Variants in SAMMSON observed in about 807,000 individuals in gnomAD.
The protein encoded by SAMMSON is long intergenic non-protein coding RNA 1212.
chr3:70,137,278 A>G (rs1373782048), intron 4 of SAMMSON, among the ~76,000 whole-genome samples: 1 of 152,228 alleles, frequency 6.6e-6, no homozygotes, highest in Non-Finnish European at 1.5e-5. Flanking sequence ...GGTCTAATTT[A>G]TTTTAAAAAA....
At chr3:70,247,252 T>A (rs1483149178) in intron 4 of SAMMSON, among the ~76,000 whole-genome samples, 2 of 152,020 alleles carry the variant, frequency 1.3e-5, no homozygotes. Flanking sequence ...TGAGATATTC[T>A]TCAGCAGATG....
chr3:70,302,492 T>TAC (rs1157174912), intron 7 of SAMMSON: 1 of 152,192 alleles, frequency 6.6e-6, no homozygotes, highest in African/African-American at 2.4e-5. Context: ...CTAATGTTGA[T>TAC]TAAGTGTATC....
In SAMMSON at chr3:70,108,156, T is replaced by C. The variant is rs185818727; in HGVS notation, n.507+36591T>C. The stretch of plus-strand genomic sequence containing the variant: ...GTGTTAGACTGGTTTCTTGAAAAGC[T>C]CTTTCTCATTTTTTTTAAGAGCTGT... On this transcript the variant is annotated intron_variant and non_coding_transcript_variant, in intron 4 of 9. Coordinates refer to ENST00000642114, the Ensembl canonical transcript of SAMMSON. Among the ~76,000 whole-genome samples, 996 of 152,242 alleles carry C rather than the reference T, an allele frequency of 6.5e-3. 6 individuals are homozygous for C. The highest frequency in any genetic ancestry group is 0.021 in the African/African-American group (868 of 41,558).
chr3:70,139,763 TC>T (rs2067520097), intron 4 of SAMMSON, among the ~76,000 whole-genome samples: 1 of 152,170 alleles, frequency 6.6e-6, no homozygotes, highest in Non-Finnish European at 1.5e-5. Context: ...CTTGATGTTC[TC>T]CAAAATGTCT....
intron 4 of SAMMSON, among the ~76,000 whole-genome samples, chr3:70,207,328 G>T (rs1012184515): frequency 1.3e-5 from 2 of 151,996 alleles, no homozygotes; most frequent in Non-Finnish European, 2.9e-5. Flanking sequence ...CCTCACAGTG[G>T]CTTTCTCTGC....
chr3:70,023,400 G>T (rs528536447), intron 3 of SAMMSON, among the ~76,000 whole-genome samples: 1 of 151,972 alleles, frequency 6.6e-6, no homozygotes, highest in South Asian at 2.1e-4. Context: ...GGTGGAGCTT[G>T]CAGTGAGCTG....
intron 3 of SAMMSON, among the ~76,000 whole-genome samples, chr3:70,056,422 T>C (rs2067167829): frequency 6.6e-6 from 1 of 152,064 alleles, no homozygotes; most frequent in South Asian, 2.1e-4. Flanking sequence ...AAGAACTGTA[T>C]CTGTTCATCA....
chr3:70,181,303 C>A (rs1217431774), intron 4 of SAMMSON, among the ~76,000 whole-genome samples: 3 of 152,176 alleles, frequency 2.0e-5, no homozygotes, highest in African/African-American at 7.2e-5. Context: ...TATATTTTAA[C>A]AGAGGTTCAA....
At chr3:70,143,901 G>A (rs2067537907) in intron 4 of SAMMSON, among the ~76,000 whole-genome samples, 1 of 152,014 alleles carries the variant, frequency 6.6e-6, no homozygotes, top group African/African-American at 2.4e-5. Context: ...TTCTTATTTT[G>A]TGAGAAGTTA....
chr3:70,321,869 C>G (rs867197007), intron 7 of SAMMSON, among the ~76,000 whole-genome samples: 23 of 151,984 alleles, frequency 1.5e-4, no homozygotes, highest in Admixed American at 5.9e-4. Flanking sequence ...CTTACCCTCC[C>G]AAAATTGTAG....
rs1417919720 is a variant in SAMMSON at position 70,337,111 on chromosome 3, ATTC to A, written n.740-17061_740-17059del. On this transcript the variant is annotated intron_variant and non_coding_transcript_variant, in intron 7 of 9. Transcript: ENST00000642114. ...TATTAATAATAATATCTAACTTAAT[ATTC>A]TTATTAATAATAATATCTAACTTAA... Among the ~76,000 whole-genome samples, 72 of 37,480 alleles carry A rather than the reference ATTC, an allele frequency of 1.9e-3. 1 individual carries two copies. Among genetic ancestry groups the A allele is most frequent in the South Asian group, 5.3e-3 (10 of 1,900 alleles). The allele number at this position is 37,480 out of a possible 152,430, so 24.6% of individuals were successfully genotyped here.
intron 6 of SAMMSON, among the ~76,000 whole-genome samples, chr3:70,274,076 T>TGC (rs1559551061): frequency 6.7e-6 from 1 of 149,018 alleles, no homozygotes; most frequent in Non-Finnish European, 1.5e-5. Flanking sequence ...TGTGTGTGTG[T>TGC]GTGTGTGTGT....
chr3:70,059,622 G>A (rs1486401758), intron 3 of SAMMSON, among the ~76,000 whole-genome samples: 1 of 152,104 alleles, frequency 6.6e-6, no homozygotes, highest in Non-Finnish European at 1.5e-5. Context: ...CAGGCCCTCA[G>A]TGGATTGGAT....
chr3:70,069,626 T>C (rs1455958217), intron 3 of SAMMSON: 2 of 152,100 alleles, frequency 1.3e-5, no homozygotes, highest in African/African-American at 2.4e-5. Flanking sequence ...GATACTCACA[T>C]AGTGCTTGCC....
intron 2 of SAMMSON, among the ~76,000 whole-genome samples, chr3:70,432,217 G>A (rs1701419692): frequency 6.6e-6 from 1 of 151,510 alleles, no homozygotes; most frequent in Non-Finnish European, 1.5e-5. Context: ...TTTAATATTA[G>A]CCTTTCTTAT....
At chr3:70,369,641 T>C (rs1432124752) in intron 9 of SAMMSON, among the ~76,000 whole-genome samples, 1 of 151,778 alleles carries the variant, frequency 6.6e-6, no homozygotes, top group Non-Finnish European at 1.5e-5. Flanking sequence ...TTTCTTGTAA[T>C]TAAGTATTGT....
chr3:70,142,138 TA>T (rs2106681584), intron 4 of SAMMSON, among the ~76,000 whole-genome samples: 1 of 129,950 alleles, frequency 7.7e-6, no homozygotes, highest in African/African-American at 2.8e-5. Context: ...CCCTAAAATC[TA>T]AAAGTAGAAC....
chr3:70,165,823 T>C (rs1263167554), intron 4 of SAMMSON, among the ~76,000 whole-genome samples: 5 of 152,012 alleles, frequency 3.3e-5, no homozygotes, highest in Admixed American at 3.3e-4. Context: ...CAAAATTCAA[T>C]GCATCATATT....
intron 7 of SAMMSON, among the ~76,000 whole-genome samples, chr3:70,334,476 G>T (rs1575627835): frequency 6.6e-6 from 1 of 151,922 alleles, no homozygotes; most frequent in Admixed American, 6.6e-5. Flanking sequence ...TGTTTCACTA[G>T]TAGGGATTTA....
Sources: gnomAD v4.1 joint callset for allele counts (sites outside exome capture counted in the v4.1 genomes callset) on GRCh38, gnomAD v4.1.1 for gene constraint, MANE v1.5 for transcripts, NCBI Gene and HGNC (gene_info 2026-07-23, HGNC 2026-07-21) for gene names.